Variants in KHDC1 observed in about 807,000 individuals in gnomAD.
KHDC1 encodes KH homology domain-containing protein 1.
A neutral mutation model predicts 24.7 loss-of-function variants in KHDC1; 21 were observed. The observed-to-expected ratio is 0.85, with a 90% confidence interval of 0.60 to 1.23. The LOEUF (loss-of-function observed/expected upper bound fraction) is 1.23. Ranked by LOEUF, KHDC1 falls within the 50% of genes most tolerant of loss-of-function variation. The probability of loss-of-function intolerance (pLI) is 0.00; values close to 1 mark genes in which losing one functional copy is unlikely to be tolerated. For missense variants in KHDC1, 274 were observed against 298.5 expected, an observed-to-expected ratio of 0.92 and a Z score of 0.61; for synonymous variants, 98 against 111.7, an observed-to-expected ratio of 0.88 and a Z score of 0.77.
In KHDC1 at chr6:73,241,622, C is replaced by G. The variant is rs753354797; in HGVS notation, c.621G>C (p.Arg207Ser). ...CGCTAAGACACACGGTTCCACTTAT[C>G]CTGGGAGCCAAAGACAGGTCTCCAG... The change falls in exon 5 of 5, where the codon AGG (arginine) becomes AGC (serine). Residue 207 changes from arginine to serine, a missense_variant. Coordinates refer to ENST00000370384, the Ensembl canonical transcript of KHDC1. 5 of 1,614,200 alleles carry G rather than the reference C, an allele frequency of 3.1e-6. No individual in the cohort carries two copies. The South Asian group carries it at 5.5e-5, about 18-fold the overall frequency.
At chr6:73,241,769 AACTGGGGCCCATT>A in intron 4 of KHDC1, 41 bp from the exon 4 acceptor site, 1 of 1,601,570 alleles carries the variant, frequency 6.2e-7, no homozygotes, top group Non-Finnish European at 8.5e-7. Flanking sequence ...CAGGGCCCAT[AACTGGGGCCCATT>A]GGCAGGCCTG....
At chr6:73,282,569 C>T (rs1767434298) in intron 2 of KHDC1, among the ~76,000 whole-genome samples, 1 of 152,124 alleles carries the variant, frequency 6.6e-6, no homozygotes. Context: ...AAAGGAGCCA[C>T]AAGGTTAGAA....
At chr6:73,270,815 C>G (rs1285692063) in intron 2 of KHDC1, among the ~76,000 whole-genome samples, 1 of 151,800 alleles carries the variant, frequency 6.6e-6, no homozygotes, top group Admixed American at 6.6e-5. Flanking sequence ...CTCAGCCTCC[C>G]GAGTAGCTGG....
At chr6:73,244,148 A>T (rs962529505) in intron 2 of KHDC1, among the ~76,000 whole-genome samples, 1 of 152,214 alleles carries the variant, frequency 6.6e-6, no homozygotes, top group Non-Finnish European at 1.5e-5. Flanking sequence ...GAAAAATATT[A>T]TTAATAAAAT....
chr6:73,274,980 G>A (rs1288352023), intron 2 of KHDC1: 1 of 152,644 alleles, frequency 6.6e-6, no homozygotes, highest in Non-Finnish European at 1.5e-5. Flanking sequence ...CTTACAGAAG[G>A]AACTAACCTG....
At chr6:73,266,518 C>T (rs184092161) in intron 2 of KHDC1, among the ~76,000 whole-genome samples, 7 of 152,222 alleles carry the variant, frequency 4.6e-5, no homozygotes, top group African/African-American at 1.7e-4. Flanking sequence ...CAAGACCATT[C>T]GATGGAGGAG....
At chr6:73,274,963 G>A (rs1043301571) in intron 2 of KHDC1, 3 of 152,780 alleles carry the variant, frequency 2.0e-5, no homozygotes, top group Non-Finnish European at 4.4e-5. Context: ...CCCTGGAGGA[G>A]GTGGAGCTTA....
chr6:73,263,930 G>A (rs1184530099), intron 2 of KHDC1, among the ~76,000 whole-genome samples: 1 of 152,196 alleles, frequency 6.6e-6, no homozygotes, highest in Non-Finnish European at 1.5e-5. Context: ...TGGGCACAGT[G>A]GCTCACACCT....
intron 2 of KHDC1, among the ~76,000 whole-genome samples, chr6:73,252,076 C>G (rs552008436): frequency 9.9e-5 from 15 of 151,104 alleles, no homozygotes; most frequent in African/African-American, 3.6e-4. Context: ...ACGGTCTCAC[C>G]CTGTCACCCA....
At chr6:73,280,435 T>C (rs1348317015) in intron 2 of KHDC1, among the ~76,000 whole-genome samples, 1 of 152,078 alleles carries the variant, frequency 6.6e-6, no homozygotes, top group Admixed American at 6.6e-5. Flanking sequence ...AGTGCTGAGA[T>C]TACTGGCATG....
chr6:73,287,262 C>T (rs115447938), intron 2 of KHDC1, among the ~76,000 whole-genome samples: 2,094 of 152,190 alleles, frequency 0.014, 44 homozygotes, highest in African/African-American at 0.047. Flanking sequence ...TCTCTAATAG[C>T]AATTGCGATG....
chr6:73,253,009 A>G (rs1288481595), intron 2 of KHDC1, among the ~76,000 whole-genome samples: 2 of 152,190 alleles, frequency 1.3e-5, no homozygotes, highest in Non-Finnish European at 2.9e-5. Flanking sequence ...AATAATTCCT[A>G]AACTACAAGC....
At chr6:73,276,911 G>T (rs548375708) in intron 2 of KHDC1, among the ~76,000 whole-genome samples, 1 of 152,274 alleles carries the variant, frequency 6.6e-6, no homozygotes, top group East Asian at 1.9e-4. Context: ...GGTATCGATT[G>T]ACAAGAAAGC....
chr6:73,299,667 C>T (rs1418847423), intron 1 of KHDC1: 2 of 153,084 alleles, frequency 1.3e-5, no homozygotes, highest in African/African-American at 4.8e-5. Context: ...ACGCCTAGCT[C>T]AGACCCCCCA....
exon 1 of KHDC1, chr6:73,309,853 A>G: frequency 9.8e-7 from 1 of 1,019,426 alleles, no homozygotes; most frequent in Non-Finnish European, 1.4e-6. Flanking sequence ...GGAAAGGGCC[A>G]CTTCGGGTCG....
At chr6:73,294,031 A>C (rs1348237513) in intron 1 of KHDC1, among the ~76,000 whole-genome samples, 3 of 145,596 alleles carry the variant, frequency 2.1e-5, no homozygotes, top group East Asian at 2.0e-4. Context: ...AAAAAAAACC[A>C]CCAGCCATTT....
intron 2 of KHDC1, among the ~76,000 whole-genome samples, chr6:73,278,830 A>G (rs190514800): frequency 3.5e-4 from 53 of 152,328 alleles, no homozygotes; most frequent in Admixed American, 6.5e-4. Flanking sequence ...GAGGTCTTAG[A>G]CCATATCCCC....
At chr6:73,267,356 G>A (rs539160522) in intron 2 of KHDC1, among the ~76,000 whole-genome samples, 17 of 152,202 alleles carry the variant, frequency 1.1e-4, no homozygotes, top group Admixed American at 9.8e-4. Context: ...GGTGGCAGGC[G>A]CCTGTAGTCC....
intron 2 of KHDC1, among the ~76,000 whole-genome samples, chr6:73,277,224 G>A (rs1767314686): frequency 6.6e-6 from 1 of 152,200 alleles, no homozygotes. Flanking sequence ...TTCAAGACTG[G>A]GAAGTGGAGG....
Sources: allele counts gnomAD v4.1 joint callset (sites outside exome capture counted in the v4.1 genomes callset), GRCh38; gene constraint gnomAD v4.1.1; transcripts MANE v1.5; gene names NCBI Gene and HGNC (gene_info 2026-07-23, HGNC 2026-07-21).